The following PXDNL variants were observed in gnomAD, a reference collection of about 807,000 sequenced individuals.
PXDNL encodes the protein peroxidasin like, also known as probable oxidoreductase PXDNL.
Under a neutral mutation model 150.8 loss-of-function variants are expected in PXDNL, and 145 were observed. The observed-to-expected ratio is 0.96, with a 90% CI of 0.84 to 1.10. The LOEUF is 1.10. Ranked by LOEUF, PXDNL falls within the 50% of genes least tolerant of loss-of-function variation. The pLI, the probability that PXDNL is intolerant of heterozygous loss-of-function variation, is 0.00. For synonymous variants in PXDNL, 757 were observed against 725.7 expected (o/e 1.04, Z -0.69); for missense variants, 2,087 against 1,873.9 (o/e 1.11, Z -2.10).
At chr8:51,600,666 A>G (rs1813693994) in intron 2 of PXDNL, among the ~76,000 whole-genome samples, 1 of 138,502 alleles carries the variant, frequency 7.2e-6, no homozygotes, top group Non-Finnish European at 1.5e-5. Context: ...TATCTTATAT[A>G]AATTATATAA....
rs540340793 is a variant in PXDNL at position 51,754,794 on chromosome 8, C to T, written c.164+54387G>A. Among the ~76,000 whole-genome samples, 8 of 152,210 alleles carry T rather than the reference C, an allele frequency of 5.3e-5. No individual in the cohort carries two copies. In the South Asian group the frequency reaches 1.7e-3, roughly 32 times the overall value. On this transcript the variant is annotated intron_variant, in intron 1 of 22. Coordinates refer to ENST00000356297, the MANE Select transcript of PXDNL (RefSeq NM_144651.5). ...CTGGGATTACAGGCATGAACCACTG[C>T]GCCCGGCCAAAAGTCAAGTCGTTTC... is the stretch of plus-strand genomic sequence containing the variant.
intron 1 of PXDNL, among the ~76,000 whole-genome samples, chr8:51,778,511 G>C (rs1456833738): frequency 6.6e-6 from 1 of 152,130 alleles, no homozygotes; most frequent in Admixed American, 6.5e-5. Flanking sequence ...TAATAGAGTG[G>C]TTACTATGGA....
chr8:51,486,005 C>T (rs2130186604), intron 5 of PXDNL, among the ~76,000 whole-genome samples: 1 of 152,230 alleles, frequency 6.6e-6, no homozygotes, highest in South Asian at 2.1e-4. Context: ...ACAATTTATG[C>T]CTGCTTTATT....
chr8:51,664,742 A>T (rs1815345866), intron 1 of PXDNL, among the ~76,000 whole-genome samples: 1 of 151,978 alleles, frequency 6.6e-6, no homozygotes, highest in Non-Finnish European at 1.5e-5. Context: ...ACTTGGCAGG[A>T]GTGAGATGCG....
At chr8:51,612,907 G>A (rs182484606) in intron 2 of PXDNL, among the ~76,000 whole-genome samples, 2 of 152,312 alleles carry the variant, frequency 1.3e-5, no homozygotes, top group African/African-American at 2.4e-5. Flanking sequence ...TCTACACCAT[G>A]TCTGAACCTT....
chr8:51,803,100 T>C (rs1354222335), intron 1 of PXDNL, among the ~76,000 whole-genome samples: 1 of 152,176 alleles, frequency 6.6e-6, no homozygotes. Context: ...ATTCTGCACC[T>C]GGGTTAGAAC....
intron 19 of PXDNL, among the ~76,000 whole-genome samples, chr8:51,360,129 C>T (rs1586032867): frequency 7.3e-6 from 1 of 137,068 alleles, no homozygotes; most frequent in African/African-American, 3.6e-5. Context: ...TACACTTACT[C>T]ATGTGTATCC....
chr8:51,635,849 C>T (rs1418896731), intron 2 of PXDNL, among the ~76,000 whole-genome samples: 1 of 152,076 alleles, frequency 6.6e-6, no homozygotes, highest in African/African-American at 2.4e-5. Flanking sequence ...TCTTAACTCA[C>T]TCTATGAGTT....
chr8:51,493,263 A>G (rs1246671204), intron 5 of PXDNL, among the ~76,000 whole-genome samples: 2 of 152,222 alleles, frequency 1.3e-5, no homozygotes, highest in Non-Finnish European at 2.9e-5. Context: ...AAGGACATCT[A>G]CACCAAAACC....
At chr8:51,553,228 T>C (rs1231244772) in intron 4 of PXDNL, among the ~76,000 whole-genome samples, 1 of 152,132 alleles carries the variant, frequency 6.6e-6, no homozygotes, top group African/African-American at 2.4e-5. Flanking sequence ...GGTTGAAGTC[T>C]TGTGCTGCAA....
At chr8:51,637,877 G>A (rs1019378864) in intron 2 of PXDNL, among the ~76,000 whole-genome samples, 12 of 152,220 alleles carry the variant, frequency 7.9e-5, no homozygotes, top group Admixed American at 7.2e-4. Flanking sequence ...CTCAAGAAGA[G>A]CAACTCCAAG....
intron 4 of PXDNL, among the ~76,000 whole-genome samples, chr8:51,539,916 T>C (rs1402091270): frequency 6.6e-6 from 1 of 151,464 alleles, no homozygotes; most frequent in Non-Finnish European, 1.5e-5. Context: ...CTTCTCTCTA[T>C]TGTTGTTCAG....
At chr8:51,431,547 C>T (rs1809248213) in intron 12 of PXDNL, among the ~76,000 whole-genome samples, 1 of 152,174 alleles carries the variant, frequency 6.6e-6, no homozygotes, top group African/African-American at 2.4e-5. Context: ...ATTTGATTCT[C>T]TCCTTCTGGG....
In PXDNL at chr8:51,772,235, T is replaced by TACAC. The variant is rs200712070; in HGVS notation, c.164+36945_164+36946insGTGT. Among the ~76,000 whole-genome samples the TACAC allele has an allele frequency of 8.2e-3, 879 of 107,248 alleles. 6 individuals are homozygous for TACAC. The highest frequency in any genetic ancestry group is 0.028 in the African/African-American group (803 of 28,764). 70.4% of individuals were successfully genotyped at this position (107,248 alleles called of 152,430 possible). On this transcript the variant is annotated intron_variant, in intron 1 of 22. Transcript: ENST00000356297. ...GTCTCTCTCTTTCTCTCTCTCTCTA[T>TACAC]ATACACACACACACACACACACACA... is the stretch of plus-strand genomic sequence containing the variant.
intron 16 of PXDNL, among the ~76,000 whole-genome samples, chr8:51,409,959 G>C (rs1285707736): frequency 6.6e-6 from 1 of 152,206 alleles, no homozygotes; most frequent in South Asian, 2.1e-4. Flanking sequence ...GTGCCAGCCA[G>C]CTCCTAACTT....
rs779892019 is a variant in PXDNL, at chr8:51,319,949, G to A, written c.4334C>T (p.Thr1445Ile). The change falls in exon 23 of 23, where the codon ACC (threonine) becomes ATC (isoleucine). Residue 1445 changes from threonine (T) to isoleucine (I), a missense_variant. Thr to Ile is a moderately conservative substitution (Grantham distance 89, BLOSUM62 -1). Transcript: ENST00000356297. ...PCPSPELVKG[T>I]CCPVCRDRGM... is the part of the protein sequence containing the mutation. ...TCGGTCTCTGCAAACTGGACAGCAGGTTCCTTTCACCAATTCAGGACTGGG... is the reference window on the plus strand; with the variant it reads ...TCGGTCTCTGCAAACTGGACAGCAGATTCCTTTCACCAATTCAGGACTGGG... 4 of 1,578,696 alleles carry A rather than the reference G, an allele frequency of 2.5e-6. No homozygotes were observed. The highest frequency in any genetic ancestry group is 2.3e-5 in the East Asian group (1 of 42,984).
chr8:51,391,159 G>T (rs1807894782), intron 17 of PXDNL, among the ~76,000 whole-genome samples: 1 of 152,176 alleles, frequency 6.6e-6, no homozygotes, highest in Admixed American at 6.5e-5. Flanking sequence ...CATTTGGGTT[G>T]GTTCCAAGTC....
At chr8:51,330,471 T>C (rs1230988271) in intron 21 of PXDNL, among the ~76,000 whole-genome samples, 1 of 152,178 alleles carries the variant, frequency 6.6e-6, no homozygotes, top group African/African-American at 2.4e-5. Context: ...GCAAAAACGG[T>C]ATCTTAGTTT....
intron 1 of PXDNL, among the ~76,000 whole-genome samples, chr8:51,761,898 AT>A (rs1329209794): frequency 6.6e-6 from 1 of 152,190 alleles, no homozygotes; most frequent in African/African-American, 2.4e-5. Context: ...ATAAGTGTGC[AT>A]TTTTTGGAAG....
Sources: gnomAD v4.1 joint callset for allele counts (sites outside exome capture counted in the v4.1 genomes callset) on GRCh38, gnomAD v4.1.1 for gene constraint, MANE v1.5 for transcripts, NCBI Gene and HGNC (gene_info 2026-07-23, HGNC 2026-07-21) for gene names.